Variants in MAP3K14 observed in about 807,000 individuals in gnomAD.
MAP3K14 encodes NF-kappa-beta-inducing kinase.
In MAP3K14, 16 loss-of-function variants were observed where a neutral mutation model predicts 99.2. The observed-to-expected ratio is 0.16, with a 90% CI of 0.11 to 0.24. MAP3K14 has a LOEUF of 0.24. Ranked by LOEUF, MAP3K14 falls within the 10% of genes least tolerant of loss-of-function variation. The pLI is 1.00. For synonymous variants in MAP3K14, 462 were observed against 492.4 expected, an observed-to-expected ratio of 0.94 and a Z score of 0.82; for missense variants, 784 against 1,208.7, an observed-to-expected ratio of 0.65 and a Z score of 5.21.
intron 1 of MAP3K14, among the ~76,000 whole-genome samples, chr17:45,300,149 T>C (rs750858399): frequency 1.3e-5 from 2 of 151,948 alleles, no homozygotes; most frequent in Non-Finnish European, 2.9e-5. Flanking sequence ...GTAAATACAA[T>C]TTATGGGGTA....
intron 1 of MAP3K14, among the ~76,000 whole-genome samples, chr17:45,311,644 T>G (rs747486301): frequency 1.3e-5 from 2 of 152,296 alleles, no homozygotes; most frequent in African/African-American, 2.4e-5. Flanking sequence ...ACAACTGAGA[T>G]GGTGGCAGGC....
intron 3 of MAP3K14, among the ~76,000 whole-genome samples, chr17:45,288,906 CG>C (rs745812194): frequency 7.9e-5 from 12 of 152,162 alleles, no homozygotes; most frequent in Non-Finnish European, 1.2e-4. Context: ...CTCACGGTCA[CG>C]CAAGAGTGGG....
intron 7 of MAP3K14, 90 bp from the exon 8 acceptor site, chr17:45,274,344 A>G: frequency 6.4e-7 from 1 of 1,568,218 alleles, no homozygotes; most frequent in Non-Finnish European, 8.7e-7. Context: ...AGTGGAAAGC[A>G]GGGTCACAGG....
intron 6 of MAP3K14, among the ~76,000 whole-genome samples, chr17:45,279,317 G>A (rs1311192769): frequency 2.6e-5 from 4 of 152,048 alleles, no homozygotes; most frequent in African/African-American, 4.8e-5. Context: ...AATAGAGATG[G>A]GGTTTCTCCA....
At chr17:45,275,257 C>A (rs536411164) in intron 6 of MAP3K14, among the ~76,000 whole-genome samples, 4 of 151,802 alleles carry the variant, frequency 2.6e-5, no homozygotes, top group African/African-American at 9.7e-5. Flanking sequence ...AGATCGAGGT[C>A]GGGAGATCAA....
At chr17:45,281,348 T>C (rs966430452) in intron 6 of MAP3K14, among the ~76,000 whole-genome samples, 7 of 150,440 alleles carry the variant, frequency 4.7e-5, no homozygotes, top group Admixed American at 3.3e-4. Flanking sequence ...TCTTTCTTTT[T>C]TTTTTTTTTT....
intron 1 of MAP3K14, among the ~76,000 whole-genome samples, chr17:45,300,984 T>C (rs1008735925): frequency 7.4e-5 from 11 of 148,816 alleles, no homozygotes; most frequent in East Asian, 2.0e-4. Flanking sequence ...CTGGGCAATA[T>C]AGTGAGACCC....
Position 45,264,712 on chromosome 17 carries a change from T to C in MAP3K14, c.2768A>G (p.Gln923Arg). The change falls in exon 16 of 16, where the codon CAG becomes CGG. Residue 923 changes from glutamine (Q) to arginine (R), a missense_variant. Coordinates refer to ENST00000344686, the MANE Select transcript of MAP3K14 (RefSeq NM_003954.5). ...GCTGCCATCAGGGGCCAGTGTGCACTGCAGGTCGATGCCCGAGTCTGGCAC... is the reference window on the plus strand; with the variant it reads ...GCTGCCATCAGGGGCCAGTGTGCACCGCAGGTCGATGCCCGAGTCTGGCAC... ...MEVPDSGIDL[Q>R]CTLAPDGSFA... 6.2e-7 allele frequency: 1 copy of C among 1,610,668 alleles called. No individual in the cohort carries two copies. The highest frequency in any genetic ancestry group is 1.1e-5 in the South Asian group (1 of 90,310).
At chr17:45,289,434 G>GA in intron 2 of MAP3K14, 129 bp from the exon 3 acceptor site, 1 of 691,828 alleles carries the variant, frequency 1.4e-6, no homozygotes, top group Non-Finnish European at 2.6e-6. Context: ...CCCCTGTCTG[G>GA]CAGTCACCTC....
chr17:45,313,397 A>G (rs79760062), intron 1 of MAP3K14, among the ~76,000 whole-genome samples: 10,018 of 152,214 alleles, frequency 0.066, 565 homozygotes, highest in East Asian at 0.15. Context: ...AGCACTTTAC[A>G]TATCTCCTCT....
intron 1 of MAP3K14, among the ~76,000 whole-genome samples, chr17:45,294,299 C>T (rs1433937800): frequency 1.3e-5 from 2 of 152,198 alleles, no homozygotes; most frequent in Non-Finnish European, 2.9e-5. Context: ...GCCTGATGCA[C>T]AGACACTGTT....
intron 1 of MAP3K14, among the ~76,000 whole-genome samples, chr17:45,308,334 C>A (rs2084518306): frequency 1.3e-5 from 2 of 152,156 alleles, no homozygotes; most frequent in South Asian, 4.1e-4. Flanking sequence ...AATGCTGAAC[C>A]CAGTTACCTA....
Position 45,289,231 on chromosome 17 carries a change from C to A in MAP3K14, c.326+5G>T. On this transcript the variant is annotated splice_donor_5th_base_variant and intron_variant, in intron 3 of 15. Coordinates refer to ENST00000344686, the MANE Select transcript of MAP3K14 (RefSeq NM_003954.5). ...TTCCCACTCAGGCTTGTCTCCCCTG[C>A]TTACCTGTACTGTTTGGACCCAGCG... 1 of 1,613,702 alleles carries A rather than the reference C, an allele frequency of 6.2e-7. No homozygotes were observed. Among genetic ancestry groups the A allele is most frequent in the Non-Finnish European group, 8.5e-7 (1 of 1,179,682 alleles).
At chr17:45,305,168 G>A (rs2044421534) in intron 1 of MAP3K14, among the ~76,000 whole-genome samples, 1 of 152,006 alleles carries the variant, frequency 6.6e-6, no homozygotes, top group African/African-American at 2.4e-5. Context: ...CGCAATCTCG[G>A]CTCACTGCAA....
chr17:45,297,114 G>A (rs2044351383), intron 1 of MAP3K14, among the ~76,000 whole-genome samples: 1 of 152,176 alleles, frequency 6.6e-6, no homozygotes, highest in Non-Finnish European at 1.5e-5. Context: ...GAATAAATGA[G>A]GCTCAATTTA....
chr17:45,299,804 T>C (rs2044372383), intron 1 of MAP3K14, among the ~76,000 whole-genome samples: 1 of 152,110 alleles, frequency 6.6e-6, no homozygotes, highest in African/African-American at 2.4e-5. Flanking sequence ...AAAAACTCAG[T>C]CTCGGCCAGG....
At chr17:45,296,236 G>A (rs1299213511) in intron 1 of MAP3K14, among the ~76,000 whole-genome samples, 1 of 152,162 alleles carries the variant, frequency 6.6e-6, no homozygotes, top group Non-Finnish European at 1.5e-5. Context: ...CTCAAAGTGC[G>A]GGGCTGGGCT....
intron 6 of MAP3K14, among the ~76,000 whole-genome samples, chr17:45,283,491 C>T (rs572527878): frequency 1.3e-5 from 2 of 152,284 alleles, no homozygotes; most frequent in African/African-American, 4.8e-5. Context: ...ACCATCCAGC[C>T]CAAGTACACA....
chr17:45,304,936 A>G (rs2044419556), intron 1 of MAP3K14, among the ~76,000 whole-genome samples: 1 of 152,158 alleles, frequency 6.6e-6, no homozygotes, highest in African/African-American at 2.4e-5. Flanking sequence ...CGGTGACTCA[A>G]TGCAAGGAAC....
Sources: allele counts gnomAD v4.1 joint callset (sites outside exome capture counted in the v4.1 genomes callset), GRCh38; gene constraint gnomAD v4.1.1; transcripts MANE v1.5; gene names NCBI Gene and HGNC (gene_info 2026-07-23, HGNC 2026-07-21).